MAML3: variants seen among roughly 807,000 people sequenced by gnomAD.
The protein encoded by MAML3 is mastermind-like protein 3.
In MAML3, 27 loss-of-function variants were observed where a neutral mutation model predicts 101.9. The observed-to-expected ratio is 0.27, with a 90% confidence interval of 0.20 to 0.37. The LOEUF (loss-of-function observed/expected upper bound fraction) is 0.37, where lower values mean the gene tolerates loss of function less well. Among genes scored for constraint, MAML3 ranks in the 10% least tolerant of loss-of-function variants. MAML3 has a pLI of 1.00. For missense variants in MAML3, 1,316 were observed against 1,444.9 expected (o/e 0.91, Z 1.45); for synonymous variants, 501 against 555.9 (o/e 0.90, Z 1.39).
chr4:139,732,184 C>T (rs1728751845), intron 2 of MAML3, among the ~76,000 whole-genome samples: 1 of 152,106 alleles, frequency 6.6e-6, no homozygotes, highest in South Asian at 2.1e-4. Flanking sequence ...CTTCTTTTTA[C>T]TTTATTGCCT....
chr4:139,892,698 G>A (rs557579896), intron 1 of MAML3, among the ~76,000 whole-genome samples: 29 of 151,896 alleles, frequency 1.9e-4, no homozygotes, highest in African/African-American at 5.3e-4. Flanking sequence ...GGCCGGGAGC[G>A]GTGGCTCACG....
intron 2 of MAML3, among the ~76,000 whole-genome samples, chr4:139,750,663 T>C (rs866368430): frequency 1.3e-5 from 2 of 152,340 alleles, no homozygotes; most frequent in Middle Eastern, 3.4e-3. Flanking sequence ...GATAAAAATA[T>C]AAATTTAAAG....
intron 2 of MAML3, among the ~76,000 whole-genome samples, chr4:139,734,573 T>A (rs1346858101): frequency 6.6e-6 from 1 of 152,118 alleles, no homozygotes; most frequent in African/African-American, 2.4e-5. Flanking sequence ...TATCTTCCCC[T>A]CCAGGGAAAA....
chr4:139,909,059 T>C (rs1732870595), intron 1 of MAML3, among the ~76,000 whole-genome samples: 1 of 152,202 alleles, frequency 6.6e-6, no homozygotes, highest in African/African-American at 2.4e-5. Context: ...GTTAGAGGTT[T>C]GCGTGGAGGT....
intron 1 of MAML3, among the ~76,000 whole-genome samples, chr4:140,035,967 T>A (rs1318901677): frequency 6.6e-6 from 1 of 152,176 alleles, no homozygotes; most frequent in African/African-American, 2.4e-5. Context: ...AAGAGCATAG[T>A]TGAGAATGAA....
chr4:139,938,077 T>C (rs1039813873), intron 1 of MAML3, among the ~76,000 whole-genome samples: 1 of 152,192 alleles, frequency 6.6e-6, no homozygotes, highest in Non-Finnish European at 1.5e-5. Flanking sequence ...CCAGTGTGTA[T>C]ATATTTACAT....
rs753706140 is a variant in MAML3 at position 139,890,365 on chromosome 4, C to A, written c.1071G>T (p.Val357=). ...AGGGAGAGTGAGAGGGGTCGCTCTTCACGCTCGCACTCTCCTGGGAGAGAG... is the reference window on the plus strand; with the variant it reads ...AGGGAGAGTGAGAGGGGTCGCTCTTAACGCTCGCACTCTCCTGGGAGAGAG... ...ETPLSQESAS[V]KSDPSHSPFA... is the part of the protein sequence containing the mutation. Residue 357 remains valine (V), a synonymous_variant, in exon 2 of 5, where the codon GTG becomes GTT. Transcript: ENST00000509479. This position sits in a 1 kb window ranked among gnomAD's most constrained non-coding sequence, Gnocchi z 4.1. 1 of 1,601,824 alleles carries A rather than the reference C, an allele frequency of 6.2e-7. No homozygotes were observed. The highest frequency in any genetic ancestry group is 8.5e-7 in the Non-Finnish European group (1 of 1,172,592).
chr4:139,953,288 T>C (rs917182828), intron 1 of MAML3, among the ~76,000 whole-genome samples: 1 of 152,184 alleles, frequency 6.6e-6, no homozygotes, highest in South Asian at 2.1e-4. Flanking sequence ...TTTTTAGCCT[T>C]TTGAATTTGT....
intron 2 of MAML3, among the ~76,000 whole-genome samples, chr4:139,878,472 GA>G (rs1003493192): frequency 6.6e-6 from 1 of 152,178 alleles, no homozygotes. Flanking sequence ...TTTGAGGAGT[GA>G]ATATACACAG....
At chr4:139,811,874 A>C (rs978060872) in intron 2 of MAML3, among the ~76,000 whole-genome samples, 25 of 152,236 alleles carry the variant, frequency 1.6e-4, no homozygotes, top group African/African-American at 5.8e-4. Context: ...AAAGTGGATG[A>C]ATGTGTGGTA....
intron 2 of MAML3, among the ~76,000 whole-genome samples, chr4:139,842,483 T>G (rs1213130944): frequency 6.6e-6 from 1 of 152,078 alleles, no homozygotes; most frequent in East Asian, 1.9e-4. Flanking sequence ...TCTAGTTTAA[T>G]TCTTCCCACA....
At chr4:140,077,656 G>A (rs1056772687) in intron 1 of MAML3, among the ~76,000 whole-genome samples, 1 of 152,164 alleles carries the variant, frequency 6.6e-6, no homozygotes, top group East Asian at 1.9e-4. Flanking sequence ...TTTGCACAGA[G>A]AACATAGAAG....
At chr4:139,874,465 C>T (rs1560820937) in intron 2 of MAML3, among the ~76,000 whole-genome samples, 1 of 152,030 alleles carries the variant, frequency 6.6e-6, no homozygotes, top group Non-Finnish European at 1.5e-5. Flanking sequence ...TACACTTTTA[C>T]CATTTTGTTT....
intron 1 of MAML3, among the ~76,000 whole-genome samples, chr4:140,026,336 C>A (rs1726823263): frequency 6.6e-6 from 1 of 152,152 alleles, no homozygotes; most frequent in Non-Finnish European, 1.5e-5. Context: ...CTCACTGCAA[C>A]CTCCACCTCC....
Position 139,737,549 on chromosome 4 carries a change from T to C in MAML3, c.2080-6882A>G, listed in dbSNP as rs564361979. ...GGATGCAACTGAAAGAGCACCAAAA[T>C]ATGCATCATTTTTTTTAATATGTTG... is the stretch of plus-strand genomic sequence containing the variant. On this transcript the variant is annotated intron_variant, in intron 2 of 4. Transcript: ENST00000509479. Among the ~76,000 whole-genome samples the C allele has an allele frequency of 2.8e-5, 4 of 143,106 alleles. No individual in the cohort carries two copies. In the South Asian group the frequency reaches 8.6e-4, roughly 31 times the overall value. 93.9% of individuals were successfully genotyped at this position (143,106 alleles called of 152,430 possible). A position where few individuals can be genotyped will look rare whatever the true frequency, so the allele number is the denominator to read the frequency against.
In MAML3 at chr4:140,154,154, A is replaced by ACCT. The variant is rs1239994054; in HGVS notation, c.-830_-828dup. On this transcript the variant is annotated 5_prime_UTR_variant, in exon 1 of 5. Coordinates refer to ENST00000509479, the MANE Select transcript of MAML3 (RefSeq NM_018717.5). The stretch of plus-strand genomic sequence containing the variant: ...CTCCTCCTCCTCCTCTCGCTCCTCC[A>ACCT]CCTCCTCCTCCTCCTCCATGCCAGC... 5.4e-5 allele frequency: 9 copies of ACCT among 165,720 alleles called. No homozygotes were observed. Among genetic ancestry groups the ACCT allele is most frequent in the Non-Finnish European group, 9.0e-5 (7 of 77,684 alleles). The allele number at this position is 165,720 out of a possible 1,614,324, so 10.3% of individuals were successfully genotyped here.
At chr4:140,003,221 T>C (rs1416914379) in intron 1 of MAML3, among the ~76,000 whole-genome samples, 6 of 152,200 alleles carry the variant, frequency 3.9e-5, no homozygotes, top group African/African-American at 1.4e-4. Context: ...CTGCTTTTAC[T>C]ACACCACTGG....
intron 2 of MAML3, among the ~76,000 whole-genome samples, chr4:139,732,847 G>A (rs1378865632): frequency 6.6e-6 from 1 of 152,084 alleles, no homozygotes; most frequent in Non-Finnish European, 1.5e-5. Flanking sequence ...TATTTTTTAT[G>A]TGTAAATGCT....
intron 1 of MAML3, among the ~76,000 whole-genome samples, chr4:140,026,691 T>C (rs1253491656): frequency 6.6e-6 from 1 of 152,210 alleles, no homozygotes; most frequent in Non-Finnish European, 1.5e-5. Context: ...ATACATTTTG[T>C]TGCTAAAAAT....
Sources: allele counts gnomAD v4.1 joint callset (sites outside exome capture counted in the v4.1 genomes callset), GRCh38; gene constraint gnomAD v4.1.1; non-coding constraint Gnocchi (gnomAD v3.1); transcripts MANE v1.5; gene names NCBI Gene and HGNC (gene_info 2026-07-23, HGNC 2026-07-21).